WDR35: variants seen among roughly 807,000 people sequenced by gnomAD.
WDR35 encodes the protein WD repeat-containing protein 35.
WDR35 carries 118 observed loss-of-function variants against 158.3 expected under a neutral mutation model. The observed-to-expected ratio is 0.75, with a 90% CI of 0.64 to 0.87. The LOEUF (loss-of-function observed/expected upper bound fraction) is 0.87, where lower values mean the gene tolerates loss of function less well. Ranked by LOEUF, WDR35 falls within the 40% of genes least tolerant of loss-of-function variation. The probability of loss-of-function intolerance (pLI) is 0.00; values close to 1 mark genes in which losing one functional copy is unlikely to be tolerated. For synonymous variants in WDR35, 448 were observed against 476.1 expected (o/e 0.94, Z 0.77); for missense variants, 1,263 against 1,405.8 (o/e 0.90, Z 1.62).
chr2:19,938,339 G>A lies in WDR35; in HGVS notation c.1989C>T (p.Ser663=). The part of the protein sequence containing the change: ...INFEIRSLRD[S]RALIEKVGIK... ...TTCCAACCTTCTCAATCAGTGCTCG[G>A]CTATCTCGCAGAGACCGAATCTCAA... The change falls in exon 18 of 27, where the codon AGC becomes AGT. Residue 663 remains serine (S), a synonymous_variant. Transcript: ENST00000281405. The A allele has an allele frequency of 6.2e-7, 1 of 1,614,020 alleles. No homozygotes were observed. Among genetic ancestry groups the A allele is most frequent in the Non-Finnish European group, 8.5e-7 (1 of 1,180,006 alleles).
rs200495720 is a variant in WDR35 at position 19,975,593 on chromosome 2, T to C, written c.507A>G (p.Lys169=). The C allele has an allele frequency of 5.2e-4, 837 of 1,614,094 alleles. 4 individuals carry two copies. Among genetic ancestry groups the C allele is most frequent in the Non-Finnish European group, 3.6e-5 (43 of 1,179,974 alleles). ...LSHVTWSADS[K]VLLFGMANGE... ...CATTTGCCATTCCAAAAAGTAAGAC[T>C]TTACTGTCCGCAGACCATGTTACAT... Residue 169 remains lysine, a synonymous_variant, in exon 6 of 27, where the codon AAA becomes AAG. Transcript: ENST00000281405.
At chr2:19,930,698 G>T in intron 24 of WDR35, 146 bp from the exon 25 acceptor site, 1 of 1,207,538 alleles carries the variant, frequency 8.3e-7, no homozygotes. Flanking sequence ...TTTAAGAGAT[G>T]AGGTATTACT....
intron 12 of WDR35, 113 bp downstream of exon 12, chr2:19,953,721 C>A (rs1402162607): frequency 7.3e-7 from 1 of 1,367,276 alleles, no homozygotes. Context: ...ATTGAAAAAA[C>A]ATTTCTACTA....
intron 11 of WDR35, among the ~76,000 whole-genome samples, chr2:19,957,360 T>C (rs748540109): frequency 4.0e-4 from 61 of 152,326 alleles, no homozygotes; most frequent in Non-Finnish European, 7.6e-4. Flanking sequence ...TAGATAATCC[T>C]ATCTATACAT....
chr2:19,979,502 C>T (rs138927567), intron 4 of WDR35, among the ~76,000 whole-genome samples: 10 of 152,124 alleles, frequency 6.6e-5, no homozygotes, highest in African/African-American at 2.2e-4. Context: ...TAGTTGTATG[C>T]AGGGTAGGAA....
chr2:19,925,136 T>A (rs755802646), intron 25 of WDR35, among the ~76,000 whole-genome samples: 1 of 152,224 alleles, frequency 6.6e-6, no homozygotes, highest in Non-Finnish European at 1.5e-5. Flanking sequence ...GCCTTCTGCC[T>A]GGGGAACCCC....
chr2:19,954,901 A>C (rs1671374090), intron 11 of WDR35, among the ~76,000 whole-genome samples: 1 of 152,174 alleles, frequency 6.6e-6, no homozygotes, highest in Non-Finnish European at 1.5e-5. Flanking sequence ...CAACTCAAAC[A>C]ACCATTAATT....
At chr2:19,938,139 C>T (rs1313928363) in intron 18 of WDR35, 126 bp downstream of exon 18, 10 of 1,461,516 alleles carry the variant, frequency 6.8e-6, no homozygotes, top group Admixed American at 5.7e-5. Context: ...ATTTCTACAT[C>T]TTAAAAAGAA....
chr2:19,981,797 G>A (rs868630851), intron 3 of WDR35, among the ~76,000 whole-genome samples: 1 of 152,104 alleles, frequency 6.6e-6, no homozygotes, highest in Non-Finnish European at 1.5e-5. Context: ...TGAACTATAG[G>A]TGTTAGCCAC....
intron 25 of WDR35, among the ~76,000 whole-genome samples, chr2:19,924,492 A>AG (rs1402119388): frequency 3.3e-5 from 5 of 152,200 alleles, no homozygotes; most frequent in African/African-American, 1.2e-4. Flanking sequence ...TGAACCCGGG[A>AG]GGCGGAGCTT....
In WDR35 at chr2:19,941,835, G is replaced by C; in HGVS notation, c.1850C>G (p.Pro617Arg). The C allele has an allele frequency of 6.4e-7, 1 of 1,568,724 alleles. No homozygotes were observed. Among genetic ancestry groups the C allele is most frequent in the Non-Finnish European group, 8.7e-7 (1 of 1,149,346 alleles). Reference protein sequence around the residue: ...YVFRNLDPEEPIQTSGYICNF... With the variant: ...YVFRNLDPEERIQTSGYICNF... ...ACAAATATATCCAGAGGTCTGAATG[G>C]GTTCCTTTAAAGACAAAAAAAAAGT... is the stretch of plus-strand genomic sequence containing the variant. Residue 617 changes from proline to arginine, a missense_variant, in exon 17 of 27, where the codon CCC (proline) becomes CGC (arginine). Transcript: ENST00000281405.
At chr2:19,966,969 T>C in intron 9 of WDR35, 60 bp from the exon 10 acceptor site, 1 of 1,529,520 alleles carries the variant, frequency 6.5e-7, no homozygotes. Context: ...TTATTTAGTA[T>C]TGGGAAGGCA....
At chr2:19,933,984 C>T (rs552549624) in intron 21 of WDR35, among the ~76,000 whole-genome samples, 3 of 151,560 alleles carry the variant, frequency 2.0e-5, no homozygotes, top group Non-Finnish European at 4.4e-5. Flanking sequence ...AAGCTAGACC[C>T]AAAACAGAGC....
chr2:19,917,807 T>C (rs1485451799), intron 25 of WDR35, among the ~76,000 whole-genome samples: 1 of 152,122 alleles, frequency 6.6e-6, no homozygotes, highest in Non-Finnish European at 1.5e-5. Context: ...TGGAACCAAG[T>C]TGGAAAACAC....
intron 25 of WDR35, among the ~76,000 whole-genome samples, chr2:19,929,432 C>T (rs1325311885): frequency 6.6e-6 from 1 of 152,034 alleles, no homozygotes; most frequent in Non-Finnish European, 1.5e-5. Context: ...ACCAATATGA[C>T]AGAGGAAGGG....
intron 11 of WDR35, 66 bp downstream of exon 11, chr2:19,960,488 G>T: frequency 7.6e-7 from 1 of 1,318,814 alleles, no homozygotes; most frequent in Non-Finnish European, 1.1e-6. Flanking sequence ...ACCAGTGTTA[G>T]GTTTTTAAAT....
In WDR35 at chr2:19,960,623, A is replaced by T; in HGVS notation, c.1195-9T>A. On this transcript the variant is annotated splice_polypyrimidine_tract_variant and intron_variant, in intron 10 of 26. Coordinates refer to ENST00000281405, the MANE Select transcript of WDR35 (RefSeq NM_020779.4). Reference sequence around the variant, plus strand: ...CAAAGAACTAGTACAAACTGTGAACAAATAAAACAAAAAGTATCAGAACTC... The same window carrying T: ...CAAAGAACTAGTACAAACTGTGAACTAATAAAACAAAAAGTATCAGAACTC... The T allele has an allele frequency of 6.3e-7, 1 of 1,597,542 alleles. No individual in the cohort carries two copies. The highest frequency in any genetic ancestry group is 8.6e-7 in the Non-Finnish European group (1 of 1,166,418).
intron 23 of WDR35, among the ~76,000 whole-genome samples, chr2:19,931,624 A>G (rs2103397483): frequency 6.6e-6 from 1 of 152,270 alleles, no homozygotes; most frequent in Non-Finnish European, 1.5e-5. Flanking sequence ...ATTTAGCCCT[A>G]GGAGTTGGAA....
chr2:19,989,406 A>T, intron 1 of WDR35, 124 bp from the exon 2 acceptor site: 1 of 895,654 alleles, frequency 1.1e-6, no homozygotes, highest in Non-Finnish European at 1.9e-6. Context: ...CAGAAAAAAA[A>T]TGAGCTGTTG....
Sources: gnomAD v4.1 joint callset for allele counts (sites outside exome capture counted in the v4.1 genomes callset) on GRCh38, gnomAD v4.1.1 for gene constraint, MANE v1.5 for transcripts, NCBI Gene and HGNC (gene_info 2026-07-23, HGNC 2026-07-21) for gene names.